KAZN: variants seen among roughly 807,000 people sequenced by gnomAD.
KAZN encodes kazrin, periplakin interacting protein, also known as kazrin.
Under a neutral mutation model 87.4 loss-of-function variants are expected in KAZN, and 40 were observed. That is an observed-to-expected ratio of 0.46 (90% confidence interval 0.36 to 0.60). The LOEUF is 0.60. Ranked by LOEUF, KAZN falls within the 20% of genes least tolerant of loss-of-function variation. The pLI, the probability that KAZN is intolerant of heterozygous loss-of-function variation, is 0.00. For synonymous variants in KAZN, 466 were observed against 458.3 expected (o/e 1.02, Z -0.22); for missense variants, 898 against 1,073.9 (o/e 0.84, Z 2.29).
chr1:14,102,080 G>T (rs1644267350), intron 1 of KAZN, among the ~76,000 whole-genome samples: 2 of 151,898 alleles, frequency 1.3e-5, no homozygotes, highest in Admixed American at 1.3e-4. Context: ...TTATCAAGTG[G>T]GATATTATTT....
chr1:15,060,259 G>A lies in KAZN; in HGVS notation c.1004G>A (p.Ser335Asn), dbSNP rs1260230140. 1.2e-6 allele frequency: 2 copies of A among 1,614,234 alleles called. No homozygotes were observed. The highest frequency in any genetic ancestry group is 8.5e-7 in the Non-Finnish European group (1 of 1,180,040). Residue 335 changes from serine to asparagine, a missense_variant, in exon 6 of 15, where the codon AGC becomes AAC. Ser to Asn is a conservative substitution (Grantham distance 46, BLOSUM62 1). Transcript: ENST00000376030. ...GAAGGCGACCGGTCGTCCACACCGA[G>A]CGACATCAACTCCCCTCGACACCGG... The part of the protein sequence containing the change: ...AAEGDRSSTP[S>N]DINSPRHRTH...
At chr1:14,834,037 T>TTTG (rs1247881863) in intron 1 of KAZN, among the ~76,000 whole-genome samples, 5 of 151,824 alleles carry the variant, frequency 3.3e-5, no homozygotes, top group African/African-American at 1.2e-4. Flanking sequence ...ATATATATTT[T>TTTG]TTGTTGTTGT....
rs539766924 is a variant in KAZN at position 13,996,577 on chromosome 1, G to A, written c.91+102821G>A. Among the ~76,000 whole-genome samples the A allele has an allele frequency of 8.5e-5, 13 of 152,366 alleles. No homozygotes were observed. In the South Asian group the frequency reaches 1.7e-3, roughly 19 times the overall value. ...TCTCCCACAGCCCAACACACCGGCT[G>A]TGGCAGACTGCAGCCAGAGTGCCTC... On this transcript the variant is annotated intron_variant, in intron 1 of 16. Coordinates refer to the KAZN transcript ENST00000636203.
intron 1 of KAZN, among the ~76,000 whole-genome samples, chr1:14,027,320 G>C (rs901338892): frequency 6.6e-6 from 1 of 152,138 alleles, no homozygotes; most frequent in Non-Finnish European, 1.5e-5. Flanking sequence ...AGCCTAATGA[G>C]GCAGTTGCCA....
At chr1:14,670,554 C>A (rs138010866) in intron 1 of KAZN, among the ~76,000 whole-genome samples, 316 of 152,270 alleles carry the variant, frequency 2.1e-3, no homozygotes, top group Middle Eastern at 3.4e-3. Flanking sequence ...CCCCGGATAC[C>A]ATGAACTCAT....
chr1:14,718,835 G>A (rs1045807496), intron 1 of KAZN, among the ~76,000 whole-genome samples: 16 of 152,194 alleles, frequency 1.1e-4, no homozygotes, highest in African/African-American at 3.9e-4. Context: ...GTGGAGGGCT[G>A]GATCCTTAGG....
At chr1:14,065,512 C>T (rs998385782) in intron 1 of KAZN, among the ~76,000 whole-genome samples, 6 of 151,084 alleles carry the variant, frequency 4.0e-5, no homozygotes, top group African/African-American at 1.2e-4. Context: ...TCTAAGCACG[C>T]ATAAGCTACC....
At chr1:14,514,436 A>T (rs1209695064) in intron 2 of KAZN, among the ~76,000 whole-genome samples, 1 of 17,526 alleles carries the variant, frequency 5.7e-5, no homozygotes, top group East Asian at 1.4e-3. Context: ...AATATATATA[A>T]TTGCAAAATA....
intron 2 of KAZN, among the ~76,000 whole-genome samples, chr1:14,226,673 T>G (rs55735094): frequency 0.04 from 6,023 of 152,262 alleles, 188 homozygotes; most frequent in East Asian, 0.098. Flanking sequence ...AACAGTGGAC[T>G]GGATAAAGAG....
chr1:14,369,508 G>A (rs1660297134), intron 2 of KAZN, among the ~76,000 whole-genome samples: 1 of 152,194 alleles, frequency 6.6e-6, no homozygotes, highest in Admixed American at 6.5e-5. Context: ...TCCATCTGGA[G>A]AATGGTAAAA....
At chr1:14,999,203 C>G (rs1041460575) in intron 2 of KAZN, among the ~76,000 whole-genome samples, 1 of 152,088 alleles carries the variant, frequency 6.6e-6, no homozygotes, top group African/African-American at 2.4e-5. Flanking sequence ...ATGTGTTGAG[C>G]CTGGTTGCAG....
rs1573334295 is a variant in KAZN at position 15,115,900 on chromosome 1, A to T, written c.*1265A>T. 1 of 152,210 alleles carries T rather than the reference A, an allele frequency of 6.6e-6. No individual in the cohort carries two copies. Among genetic ancestry groups the T allele is most frequent in the Admixed American group, 6.5e-5 (1 of 15,284 alleles). The allele number at this position is 152,210 out of a possible 1,614,324, so 9.4% of individuals were successfully genotyped here. ...GGGTAGCTAATTTCCCATTTACAAC[A>T]CAGAAATGATATAGAGCTAGTTCGC... On this transcript the variant is annotated 3_prime_UTR_variant, in exon 15 of 15. Coordinates refer to ENST00000376030, the MANE Select transcript of KAZN (RefSeq NM_201628.3). The surrounding 1 kb of genome is among the most constrained non-coding windows in gnomAD (Gnocchi z 4.1).
intron 8 of KAZN, among the ~76,000 whole-genome samples, chr1:15,072,725 C>T (rs536904995): frequency 6.6e-6 from 1 of 152,158 alleles, no homozygotes; most frequent in Non-Finnish European, 1.5e-5. Context: ...ACTGGAGTCA[C>T]ACACCTAGGA....
At chr1:14,299,827 T>A (rs533504939) in intron 2 of KAZN, among the ~76,000 whole-genome samples, 5 of 152,294 alleles carry the variant, frequency 3.3e-5, no homozygotes, top group African/African-American at 1.2e-4. Context: ...CCAAAGCAAG[T>A]CGCATGGCCA....
intron 2 of KAZN, among the ~76,000 whole-genome samples, chr1:14,364,774 G>T (rs999145795): frequency 3.3e-5 from 5 of 152,204 alleles, no homozygotes; most frequent in African/African-American, 7.2e-5. Flanking sequence ...TTCTAGGGAA[G>T]AATTGTTCCT....
chr1:14,633,385 C>T (rs1572095269), intron 1 of KAZN, among the ~76,000 whole-genome samples: 2 of 152,056 alleles, frequency 1.3e-5, no homozygotes, highest in African/African-American at 2.4e-5. Flanking sequence ...CAGAGAAGGC[C>T]GTGTGACAGC....
chr1:14,119,549 T>C (rs1022935160), intron 1 of KAZN, among the ~76,000 whole-genome samples: 4 of 152,138 alleles, frequency 2.6e-5, no homozygotes, highest in Admixed American at 2.0e-4. Flanking sequence ...ATCTTCCACT[T>C]GGCTCATCTT....
intron 1 of KAZN, among the ~76,000 whole-genome samples, chr1:14,653,713 C>G (rs1034997700): frequency 1.3e-5 from 2 of 152,112 alleles, no homozygotes; most frequent in African/African-American, 4.8e-5. Flanking sequence ...AACATGGTGC[C>G]TGGGAGACAG....
At chr1:14,245,946 T>C (rs753658685) in intron 2 of KAZN, among the ~76,000 whole-genome samples, 28 of 152,298 alleles carry the variant, frequency 1.8e-4, no homozygotes, top group Admixed American at 1.4e-3. Context: ...CCATCAATGA[T>C]AGACTGAATT....
Sources: gnomAD v4.1 joint callset for allele counts (sites outside exome capture counted in the v4.1 genomes callset) on GRCh38, gnomAD v4.1.1 for gene constraint, Gnocchi (gnomAD v3.1) non-coding constraint, MANE v1.5 for transcripts, NCBI Gene and HGNC (gene_info 2026-07-23, HGNC 2026-07-21) for gene names.